Variants in MGAM observed in about 807,000 individuals in gnomAD.
MGAM encodes the protein maltase-glucoamylase, also known as alpha-1,4-glucosidase.
A neutral mutation model predicts 358.8 loss-of-function variants in MGAM; 253 were observed. The observed-to-expected ratio is 0.71, with a 90% CI of 0.64 to 0.78. The LOEUF is 0.78. MGAM is among the 30% of genes least tolerant of loss of function. The probability of loss-of-function intolerance (pLI) is 0.00; values close to 1 mark genes in which losing one functional copy is unlikely to be tolerated. For synonymous variants in MGAM, 1,105 were observed against 1,227.1 expected (o/e 0.90, Z 2.08); for missense variants, 3,080 against 3,432.6 (o/e 0.90, Z 2.57).
chr7:142,035,356 T>TA (rs1563135926), intron 16 of MGAM, among the ~76,000 whole-genome samples: 1 of 152,058 alleles, frequency 6.6e-6, no homozygotes, highest in Non-Finnish European at 1.5e-5. Flanking sequence ...GGTTTACAGT[T>TA]TAGTAAGAGG....
At chr7:142,063,324 T>C (rs1812412287) in intron 35 of MGAM, among the ~76,000 whole-genome samples, 175 bp from the exon 36 acceptor site, 1 of 152,186 alleles carries the variant, frequency 6.6e-6, no homozygotes, top group African/African-American at 2.4e-5. Context: ...AGTCGTTCTG[T>C]AGGAGTGAAT....
chr7:142,091,859 T>C lies in MGAM; in HGVS notation c.6811-54T>C. 6 of 1,373,172 alleles carry C rather than the reference T, an allele frequency of 4.4e-6. 1 individual carries two copies. The highest frequency in any genetic ancestry group is 6.0e-6 in the Non-Finnish European group (6 of 1,004,290). 85.1% of individuals were successfully genotyped at this position (1,373,172 alleles called of 1,614,324 possible). A position where few individuals can be genotyped will look rare whatever the true frequency, so the allele number is the denominator to read the frequency against. On this transcript the variant is annotated intron_variant, in intron 57 of 70. Transcript: ENST00000475668. ...GAGTTGCATTCTCAGTAAGTGCCTG[T>C]TTGCTGTCTTCTATATTTGTGTGGG...
At position 142,099,668 on chromosome 7, in the gene MGAM, A is replaced by G. The variant is rs757879351; in HGVS notation, c.7805A>G (p.His2602Arg). 2 of 1,613,978 alleles carry G rather than the reference A, an allele frequency of 1.2e-6. No homozygotes were observed. Among genetic ancestry groups the G allele is most frequent in the African/African-American group, 1.3e-5 (1 of 75,044 alleles). The change falls in exon 67 of 71, where the codon CAC becomes CGC. Residue 2602 changes from histidine to arginine, a missense_variant. Around this residue, in one of 5 missense-constraint regions of MGAM, gnomAD observed 932 missense variants for 1,198.2 expected, o/e 0.78. Coordinates refer to ENST00000475668, the MANE Select transcript of MGAM (RefSeq NM_001365693.1). Reference protein sequence around the residue: ...EWKTLPAPLDHINLHVRGGYI... With the variant: ...EWKTLPAPLDRINLHVRGGYI... ...AAGACCTTGCCAGCCCCTCTTGACC[A>G]CATTAATCTTCATGTCCGTGGGGGC... is the stretch of plus-strand genomic sequence containing the variant.
At chr7:142,099,969 C>T (rs1275263990) in intron 67 of MGAM, among the ~76,000 whole-genome samples, 1 of 152,180 alleles carries the variant, frequency 6.6e-6, no homozygotes, top group African/African-American at 2.4e-5. Flanking sequence ...CTAAGAGTGT[C>T]ATCTTTCAAT....
chr7:142,045,382 C>A (rs1178212688), intron 21 of MGAM, among the ~76,000 whole-genome samples: 2,939 of 65,256 alleles, frequency 0.045, 609 homozygotes, highest in Middle Eastern at 0.19. Context: ...TATTATATAT[C>A]CCTATAATAC....
chr7:142,047,695 T>C, intron 21 of MGAM, 90 bp from the exon 22 acceptor site: 1 of 1,264,102 alleles, frequency 7.9e-7, no homozygotes, highest in South Asian at 1.2e-5. Flanking sequence ...TAGTAACTTT[T>C]CCAATTTGAA....
At chr7:142,022,919 G>T (rs1554459525) in intron 7 of MGAM, among the ~76,000 whole-genome samples, 1 of 152,178 alleles carries the variant, frequency 6.6e-6, no homozygotes. Context: ...TATAAAGAAT[G>T]ATTGTGGTAG....
intron 2 of MGAM, among the ~76,000 whole-genome samples, chr7:141,990,771 G>A (rs554715157): frequency 2.6e-5 from 4 of 152,136 alleles, no homozygotes; most frequent in South Asian, 4.1e-4. Flanking sequence ...ATGCTGGTGC[G>A]CTGCACCGGT....
chr7:142,004,848 A>G (rs1362967068), intron 1 of MGAM, among the ~76,000 whole-genome samples: 3 of 152,076 alleles, frequency 2.0e-5, no homozygotes, highest in African/African-American at 7.2e-5. Flanking sequence ...CAGAATGAAG[A>G]TTGCAAAAAA....
intron 1 of MGAM, among the ~76,000 whole-genome samples, chr7:142,000,027 A>G (rs782724313): frequency 1.3e-5 from 2 of 152,194 alleles, no homozygotes; most frequent in Non-Finnish European, 2.9e-5. Context: ...AACAGCAAAC[A>G]TGTTTTTAAA....
intron 2 of MGAM, among the ~76,000 whole-genome samples, chr7:142,006,174 G>A (rs1805147142): frequency 6.6e-6 from 1 of 151,934 alleles, no homozygotes; most frequent in African/African-American, 2.4e-5. Flanking sequence ...TTGTAATGCA[G>A]TCTTTTTTAC....
At chr7:142,088,208 G>A (rs1585088223) in intron 57 of MGAM, among the ~76,000 whole-genome samples, 1 of 146,332 alleles carries the variant, frequency 6.8e-6, no homozygotes, top group African/African-American at 2.4e-5. Flanking sequence ...GGCAGCAGTA[G>A]CACTATTGAT....
At chr7:142,002,653 A>G (rs976770269) in intron 1 of MGAM, among the ~76,000 whole-genome samples, 5 of 152,134 alleles carry the variant, frequency 3.3e-5, no homozygotes, top group Admixed American at 6.6e-5. Context: ...GATTGAAAGC[A>G]TTCCCCCTAA....
At chr7:142,095,476 T>A in intron 63 of MGAM, 89 bp from the exon 64 acceptor site, 1 of 1,568,086 alleles carries the variant, frequency 6.4e-7, no homozygotes, top group East Asian at 2.2e-5. Flanking sequence ...CTGTGAGTGA[T>A]CTTCAATTGG....
At chr7:142,070,655 G>A (rs1813264394) in intron 43 of MGAM, among the ~76,000 whole-genome samples, 1 of 145,864 alleles carries the variant, frequency 6.9e-6, no homozygotes, top group Non-Finnish European at 1.6e-5. Flanking sequence ...ATAGTGCTGA[G>A]ACTGAAAAGC....
In MGAM at chr7:142,086,266, C is replaced by T. The variant is rs548173459; in HGVS notation, c.6685C>T (p.Arg2229Trp). The change falls in exon 56 of 71, where the codon CGG becomes TGG. Residue 2229 changes from arginine to tryptophan, a missense_variant. This residue lies in a region of MGAM where 932 missense variants were observed against 1,198.2 expected (regional missense o/e 0.78). Coordinates refer to ENST00000475668, the MANE Select transcript of MGAM (RefSeq NM_001365693.1). Reference protein sequence around the residue: ...NETQPYPAFTRGVEDDVFIKY... With the variant: ...NETQPYPAFTWGVEDDVFIKY... Reference sequence around the variant, plus strand: ...GACACAGCCCTATCCTGCCTTCACTCGGGGCGTGGAGGATGACGTCTTCAT... The same window carrying T: ...GACACAGCCCTATCCTGCCTTCACTTGGGGCGTGGAGGATGACGTCTTCAT... The T allele has an allele frequency of 5.2e-4, 804 of 1,544,474 alleles. 134 individuals carry two copies. The highest frequency in any genetic ancestry group is 1.6e-4 in the Non-Finnish European group (181 of 1,126,168).
At chr7:142,055,288 C>T (rs895161896) in intron 27 of MGAM, among the ~76,000 whole-genome samples, 1 of 152,098 alleles carries the variant, frequency 6.6e-6, no homozygotes, top group Non-Finnish European at 1.5e-5. Context: ...GGAGTGGTCC[C>T]AGCTGTGATG....
intron 3 of MGAM, among the ~76,000 whole-genome samples, chr7:142,011,163 T>C (rs782157192): frequency 2.0e-4 from 30 of 152,306 alleles, no homozygotes; most frequent in Non-Finnish European, 3.5e-4. Context: ...ATAACATAAG[T>C]GGTAATCTCA....
At position 142,056,060 on chromosome 7, in the gene MGAM, G is replaced by T; in HGVS notation, c.3544G>T (p.Ala1182Ser). The T allele has an allele frequency of 6.2e-7, 1 of 1,611,028 alleles. No homozygotes were observed. The highest frequency in any genetic ancestry group is 8.5e-7 in the Non-Finnish European group (1 of 1,178,778). ...CATGGGGCTGGAGGAGGACGGCAGT[G>T]CCCATGGAGTGCTCCTGCTGAACAG... ...YYMGLEEDGS[A>S]HGVLLLNSNA... Residue 1182 changes from alanine (A) to serine (S), a missense_variant, in exon 29 of 71, where the codon GCC becomes TCC. Coordinates refer to ENST00000475668, the MANE Select transcript of MGAM (RefSeq NM_001365693.1).
Sources: gnomAD v4.1 joint callset for allele counts (sites outside exome capture counted in the v4.1 genomes callset) on GRCh38, gnomAD v4.1.1 for gene constraint, gnomAD v4.1.1 regional missense constraint, MANE v1.5 for transcripts, NCBI Gene and HGNC (gene_info 2026-07-23, HGNC 2026-07-21) for gene names.